Variants in SMYD3 observed in about 807,000 individuals in gnomAD.
The protein encoded by SMYD3 is histone-lysine N-methyltransferase SMYD3.
SMYD3 carries 36 observed loss-of-function variants against 57.7 expected under a neutral mutation model. The observed-to-expected ratio is 0.62, with a 90% CI of 0.48 to 0.82. The LOEUF (loss-of-function observed/expected upper bound fraction) is 0.82. Ranked by LOEUF, SMYD3 falls within the 40% of genes least tolerant of loss-of-function variation. The probability of loss-of-function intolerance (pLI) is 0.00; values close to 1 mark genes in which losing one functional copy is unlikely to be tolerated. For synonymous variants in SMYD3, 211 were observed against 195.0 expected (o/e 1.08, Z -0.68); for missense variants, 515 against 538.8 (o/e 0.96, Z 0.44).
At chr1:246,235,958 A>G (rs1305682011) in intron 5 of SMYD3, among the ~76,000 whole-genome samples, 2 of 152,200 alleles carry the variant, frequency 1.3e-5, no homozygotes, top group Non-Finnish European at 2.9e-5. Flanking sequence ...AACAAGATAT[A>G]AAACATTTCC....
At chr1:245,923,445 C>CT (rs1156965843) in intron 7 of SMYD3, among the ~76,000 whole-genome samples, 1 of 152,178 alleles carries the variant, frequency 6.6e-6, no homozygotes, top group Non-Finnish European at 1.5e-5. Flanking sequence ...AAACCAAGGT[C>CT]TGTGATAAGG....
At chr1:245,797,828 C>CAAAAAAAAAAAA (rs559088835) in intron 10 of SMYD3, among the ~76,000 whole-genome samples, 9 of 109,430 alleles carry the variant, frequency 8.2e-5, no homozygotes, top group African/African-American at 1.1e-4. Context: ...TTCCGGGTTC[C>CAAAAAAAAAAAA]AAAAAAAAAA....
intron 1 of SMYD3, among the ~76,000 whole-genome samples, chr1:246,489,539 G>A (rs979426790): frequency 2.6e-5 from 4 of 152,098 alleles, no homozygotes; most frequent in Non-Finnish European, 5.9e-5. Context: ...AAAGAAAAAG[G>A]ACAGAAAGGA....
chr1:245,774,070 G>A lies in SMYD3; in HGVS notation c.1077-9921C>T, dbSNP rs189407442. ...ATACTGAAAACAATGTAGAACGCTCGATGAAATATTCTAAAAAGCAGTAAG... is the reference window on the plus strand; with the variant it reads ...ATACTGAAAACAATGTAGAACGCTCAATGAAATATTCTAAAAAGCAGTAAG... On this transcript the variant is annotated intron_variant, in intron 10 of 11. Coordinates refer to ENST00000490107, the MANE Select transcript of SMYD3 (RefSeq NM_001167740.2). 2.7e-3 allele frequency among the ~76,000 whole-genome samples: 404 copies of A among 151,968 alleles called. 3 individuals carry two copies. The highest frequency in any genetic ancestry group is 0.011 in the Admixed American group (166 of 15,220).
chr1:246,176,450 T>C (rs189323687), intron 5 of SMYD3, among the ~76,000 whole-genome samples: 11 of 152,338 alleles, frequency 7.2e-5, no homozygotes, highest in East Asian at 1.9e-4. Flanking sequence ...CTTTAAAACA[T>C]TGGAAAACAC....
chr1:245,897,201 T>C (rs2053877822), intron 8 of SMYD3, among the ~76,000 whole-genome samples: 1 of 152,204 alleles, frequency 6.6e-6, no homozygotes, highest in Non-Finnish European at 1.5e-5. Flanking sequence ...AATTGGTCTT[T>C]AAGCTGAACC....
intron 10 of SMYD3, among the ~76,000 whole-genome samples, chr1:245,843,538 A>ATG (rs1352715713): frequency 2.5e-3 from 188 of 74,786 alleles, no homozygotes; most frequent in African/African-American, 0.014. Context: ...GTGTATATAT[A>ATG]TATGTGTGTG....
chr1:246,421,233 A>C (rs1294273993), intron 1 of SMYD3, among the ~76,000 whole-genome samples: 8 of 152,090 alleles, frequency 5.3e-5, no homozygotes, highest in Non-Finnish European at 2.9e-5. Context: ...CAAAACTACC[A>C]ATAAGGCTAA....
At chr1:246,267,825 T>C (rs2064139871) in intron 5 of SMYD3, among the ~76,000 whole-genome samples, 1 of 152,226 alleles carries the variant, frequency 6.6e-6, no homozygotes, top group African/African-American at 2.4e-5. Flanking sequence ...ATAAACAAAA[T>C]CAATTATTTT....
intron 10 of SMYD3, among the ~76,000 whole-genome samples, chr1:245,828,411 C>A (rs1021453720): frequency 6.6e-6 from 1 of 152,144 alleles, no homozygotes; most frequent in Non-Finnish European, 1.5e-5. Flanking sequence ...CTACATGTCC[C>A]TTTCCAATAA....
intron 5 of SMYD3, among the ~76,000 whole-genome samples, chr1:246,050,408 C>T (rs2060047239): frequency 6.6e-6 from 1 of 152,152 alleles, no homozygotes; most frequent in South Asian, 2.1e-4. Flanking sequence ...ATGAGGGCCT[C>T]AAAGCCAGGC....
chr1:246,169,735 G>C lies in SMYD3; in HGVS notation c.531+157466C>G, dbSNP rs113549554. 1.6e-3 allele frequency among the ~76,000 whole-genome samples: 247 copies of C among 152,060 alleles called. 1 individual carries two copies. The highest frequency in any genetic ancestry group is 5.5e-3 in the African/African-American group (229 of 41,476). On this transcript the variant is annotated intron_variant, in intron 5 of 11. Coordinates refer to ENST00000490107, the MANE Select transcript of SMYD3 (RefSeq NM_001167740.2). ...CCTGGCCAACACGGTGAAACCCCAT[G>C]TCTACTAAAACTACAAAAATTAGCA...
Position 246,061,932 on chromosome 1 carries a change from T to A in SMYD3, c.532-131995A>T, listed in dbSNP as rs114911920. ...AAGATTGAATTCTTATTTTTCTTCA[T>A]GGAGGGAAAAAAGGCCACAACGTTA... On this transcript the variant is annotated intron_variant, in intron 5 of 11. Coordinates refer to ENST00000490107, the MANE Select transcript of SMYD3 (RefSeq NM_001167740.2). 3.4e-3 allele frequency among the ~76,000 whole-genome samples: 515 copies of A among 152,072 alleles called. 3 individuals carry two copies. Among genetic ancestry groups the A allele is most frequent in the African/African-American group, 0.012 (485 of 41,482 alleles).
intron 10 of SMYD3, among the ~76,000 whole-genome samples, chr1:245,773,999 C>T (rs1382834837): frequency 6.6e-6 from 1 of 152,122 alleles, no homozygotes; most frequent in Non-Finnish European, 1.5e-5. Context: ...ATATTCTACT[C>T]CTAGAAATGC....
chr1:246,482,163 CA>C (rs1016644550), intron 1 of SMYD3, among the ~76,000 whole-genome samples: 8 of 151,104 alleles, frequency 5.3e-5, no homozygotes, highest in Middle Eastern at 3.4e-3. Flanking sequence ...GTCTCAGAAG[CA>C]AAAAAAAATT....
intron 1 of SMYD3, among the ~76,000 whole-genome samples, chr1:246,396,065 GAGCCTTT>G (rs1253637869): frequency 1.3e-5 from 2 of 152,172 alleles, no homozygotes; most frequent in Non-Finnish European, 2.9e-5. Context: ...ACTTGGTCAA[GAGCCTTT>G]ATGAGAGTGA....
At chr1:245,793,295 C>T (rs991107414) in intron 10 of SMYD3, among the ~76,000 whole-genome samples, 30 of 150,796 alleles carry the variant, frequency 2.0e-4, no homozygotes, top group African/African-American at 6.8e-4. Context: ...GGCGAGACTC[C>T]GTCCCAAAAA....
intron 5 of SMYD3, among the ~76,000 whole-genome samples, chr1:246,244,025 A>G (rs950661170): frequency 2.4e-4 from 28 of 117,990 alleles, no homozygotes; most frequent in African/African-American, 7.3e-4. Context: ...ATATATGTGT[A>G]TATATATATT....
chr1:246,150,403 T>C (rs1033899400), intron 5 of SMYD3, among the ~76,000 whole-genome samples: 1 of 152,188 alleles, frequency 6.6e-6, no homozygotes, highest in Admixed American at 6.5e-5. Context: ...TGAAGTTAAT[T>C]ACATTTAACT....
Sources: gnomAD v4.1 joint callset for allele counts (sites outside exome capture counted in the v4.1 genomes callset) on GRCh38, gnomAD v4.1.1 for gene constraint, MANE v1.5 for transcripts, NCBI Gene and HGNC (gene_info 2026-07-23, HGNC 2026-07-21) for gene names.